Variants in NFASC observed in about 807,000 individuals in gnomAD.
NFASC encodes the protein neurofascin homolog.
NFASC carries 43 observed loss-of-function variants against 147.5 expected under a neutral mutation model. That is an observed-to-expected ratio of 0.29 (90% CI 0.23 to 0.38). The LOEUF (loss-of-function observed/expected upper bound fraction) is 0.38, where lower values mean the gene tolerates loss of function less well. Among genes scored for constraint, NFASC ranks in the 10% least tolerant of loss-of-function variants. The pLI is 1.00. For synonymous variants in NFASC, 622 were observed against 665.5 expected (o/e 0.93, Z 1.01); for missense variants, 1,320 against 1,689.0 (o/e 0.78, Z 3.83).
chr1:204,976,282 C>T (rs1048445295), intron 15 of NFASC, among the ~76,000 whole-genome samples: 4 of 152,164 alleles, frequency 2.6e-5, no homozygotes, highest in Non-Finnish European at 5.9e-5. Context: ...CAAGTCTGGG[C>T]TGAAGACAGA....
chr1:204,924,845 G>A (rs962426933), intron 2 of NFASC, among the ~76,000 whole-genome samples: 6 of 152,154 alleles, frequency 3.9e-5, no homozygotes, highest in Non-Finnish European at 8.8e-5. Flanking sequence ...TTGGGGGAGA[G>A]GAGAAAGGGC....
intron 11 of NFASC, among the ~76,000 whole-genome samples, chr1:204,971,663 G>C (rs2095262017): frequency 6.6e-6 from 1 of 152,170 alleles, no homozygotes; most frequent in African/African-American, 2.4e-5. Flanking sequence ...AAGGAAATAA[G>C]GTTCTCCTCA....
At chr1:204,830,657 T>TAGAGAGAGAGAG (rs10671660) in intron 1 of NFASC, among the ~76,000 whole-genome samples, 4 of 147,096 alleles carry the variant, frequency 2.7e-5, no homozygotes, top group African/African-American at 1.0e-4. Context: ...GATGTGTGTA[T>TAGAGAGAGAGAG]AGAGAGAGAG....
At chr1:204,894,793 C>G (rs1033390322) in intron 1 of NFASC, among the ~76,000 whole-genome samples, 1 of 152,196 alleles carries the variant, frequency 6.6e-6, no homozygotes, top group African/African-American at 2.4e-5. Context: ...CTGAGTCATG[C>G]CTTTCATTAT....
In NFASC at chr1:205,016,936, A is replaced by C; in HGVS notation, c.*397A>C. The C allele has an allele frequency of 6.4e-6, 2 of 310,506 alleles. No homozygotes were observed. Among genetic ancestry groups the C allele is most frequent in the Non-Finnish European group, 6.4e-6 (1 of 156,224 alleles). The allele number at this position is 310,506 out of a possible 1,614,324, so 19.2% of individuals were successfully genotyped here. On this transcript the variant is annotated 3_prime_UTR_variant, in exon 30 of 30. Transcript: ENST00000339876. This position sits in a 1 kb window ranked among gnomAD's most constrained non-coding sequence, Gnocchi z 5.1. ...TTGTGCATCTTCCCCTCCAGACCCA[A>C]TGTCTCTGTTTTCTTTTCCTTTTGA...
intron 1 of NFASC, among the ~76,000 whole-genome samples, chr1:204,899,030 G>A (rs901533007): frequency 2.6e-5 from 4 of 152,170 alleles, no homozygotes; most frequent in African/African-American, 9.7e-5. Flanking sequence ...GGGAGGCACA[G>A]CTCCTGCGAA....
intron 3 of NFASC, 66 bp downstream of exon 3, chr1:204,944,472 G>GTGGT: frequency 2.5e-6 from 1 of 402,580 alleles, no homozygotes; most frequent in Non-Finnish European, 5.0e-6. Flanking sequence ...GGAGGGGAGG[G>GTGGT]AAGGTCAGAG....
chr1:204,852,545 G>T (rs1160830672), intron 1 of NFASC, among the ~76,000 whole-genome samples: 3 of 152,312 alleles, frequency 2.0e-5, no homozygotes, highest in Non-Finnish European at 4.4e-5. Flanking sequence ...GAATCCTTGT[G>T]AGAAGTAAGT....
chr1:204,922,649 G>A (rs118080276), intron 2 of NFASC, among the ~76,000 whole-genome samples: 7 of 152,210 alleles, frequency 4.6e-5, no homozygotes, highest in Non-Finnish European at 8.8e-5. Context: ...GCTTGGATGC[G>A]CTGAATTGTA....
At chr1:204,854,477 G>A (rs2075985926) in intron 1 of NFASC, among the ~76,000 whole-genome samples, 2 of 152,182 alleles carry the variant, frequency 1.3e-5, no homozygotes, top group Non-Finnish European at 2.9e-5. Context: ...AGTTTGAGGA[G>A]GGAGGGGACC....
chr1:204,928,577 A>G (rs1365743887), intron 2 of NFASC, among the ~76,000 whole-genome samples: 2 of 152,268 alleles, frequency 1.3e-5, no homozygotes, highest in African/African-American at 4.8e-5. Context: ...ATACAAGGAT[A>G]TAAATACAAT....
chr1:204,950,854 AC>A (rs2094059818), intron 4 of NFASC, among the ~76,000 whole-genome samples: 1 of 152,060 alleles, frequency 6.6e-6, no homozygotes, highest in South Asian at 2.1e-4. Context: ...CTGGCACAGG[AC>A]CCCAGGGTAG....
intron 20 of NFASC, 35 bp downstream of exon 20, chr1:204,980,475 A>C (rs1574080904): frequency 2.2e-3 from 3,298 of 1,493,226 alleles, no homozygotes; most frequent in Non-Finnish European, 2.8e-3. Flanking sequence ...GGAGCAGCTC[A>C]CCTTGCCGCA....
chr1:204,941,017 CTA>C (rs2093327793), intron 2 of NFASC, among the ~76,000 whole-genome samples: 1 of 152,164 alleles, frequency 6.6e-6, no homozygotes, highest in African/African-American at 2.4e-5. Flanking sequence ...AACTGCCAAA[CTA>C]TACATTTCTT....
chr1:204,845,744 T>C (rs56096307), intron 1 of NFASC, among the ~76,000 whole-genome samples: 2 of 151,396 alleles, frequency 1.3e-5, no homozygotes, highest in East Asian at 4.0e-4. Context: ...TCTAAAAAAA[T>C]TTTTTAAAAA....
chr1:204,974,847 G>A, intron 14 of NFASC, 24 bp downstream of exon 14: 1 of 1,612,028 alleles, frequency 6.2e-7, no homozygotes, highest in South Asian at 1.1e-5. Flanking sequence ...TTCGCCAGTG[G>A]GAGTTTGGAG....
intron 4 of NFASC, among the ~76,000 whole-genome samples, chr1:204,951,227 C>T (rs1357404469): frequency 6.7e-6 from 1 of 149,450 alleles, no homozygotes; most frequent in Non-Finnish European, 1.5e-5. Context: ...GGGTTCACTG[C>T]AGCCTCAGCC....
chr1:204,904,099 G>GTGTT (rs1413921643), intron 1 of NFASC, among the ~76,000 whole-genome samples: 1 of 152,084 alleles, frequency 6.6e-6, no homozygotes, highest in South Asian at 2.1e-4. Context: ...TTTCGTGTGT[G>GTGTT]TGTTTGTTTG....
intron 24 of NFASC, among the ~76,000 whole-genome samples, chr1:204,991,982 G>T (rs541228888): frequency 6.6e-5 from 10 of 152,266 alleles, no homozygotes; most frequent in African/African-American, 2.4e-4. Context: ...CTCCACTCTC[G>T]GGGTATGGGA....
Sources: allele counts gnomAD v4.1 joint callset (sites outside exome capture counted in the v4.1 genomes callset), GRCh38; gene constraint gnomAD v4.1.1; non-coding constraint Gnocchi (gnomAD v3.1); transcripts MANE v1.5; gene names NCBI Gene and HGNC (gene_info 2026-07-23, HGNC 2026-07-21).